PDGFRA: variants seen among roughly 807,000 people sequenced by gnomAD.
PDGFRA encodes the protein platelet derived growth factor receptor alpha, also known as platelet-derived growth factor receptor alpha.
Under a neutral mutation model 121.5 loss-of-function variants are expected in PDGFRA, and 25 were observed. The ratio of observed to expected loss-of-function variants is 0.21; its 90% CI spans 0.15 to 0.29. The LOEUF (loss-of-function observed/expected upper bound fraction) is 0.29, where lower values mean the gene tolerates loss of function less well. Ranked by LOEUF, PDGFRA falls within the 10% of genes least tolerant of loss-of-function variation. The pLI, the probability that PDGFRA is intolerant of heterozygous loss-of-function variation, is 1.00. For synonymous variants in PDGFRA, 463 were observed against 494.8 expected, an observed-to-expected ratio of 0.94 and a Z score of 0.85; for missense variants, 1,008 against 1,345.1, an observed-to-expected ratio of 0.75 and a Z score of 3.92.
At chr4:54,265,428 G>A (rs1044401927) in intron 5 of PDGFRA, 4 of 308,648 alleles carry the variant, frequency 1.3e-5, no homozygotes, top group African/African-American at 8.6e-5. Flanking sequence ...TGGCTTCTGT[G>A]CCCTGAGGTT....
At position 54,277,911 on chromosome 4, in the gene PDGFRA, G is replaced by T; in HGVS notation, c.1907G>T (p.Ser636Ile). Reference sequence around the variant, plus strand: ...CTTTCAACAGCCACGGCCAGATCCAGTGAAAAACAAGCTCTCATGTCTGAA... The same window carrying T: ...CTTTCAACAGCCACGGCCAGATCCATTGAAAAACAAGCTCTCATGTCTGAA... ...VKMLKPTARSSEKQALMSELK... is the reference protein window; with the variant it reads ...VKMLKPTARSIEKQALMSELK... Residue 636 changes from serine to isoleucine, a missense_variant, in exon 14 of 23, where the codon AGT becomes ATT. Ser to Ile is a moderately radical substitution (Grantham distance 142, BLOSUM62 -2). Coordinates refer to ENST00000257290, the MANE Select transcript of PDGFRA (RefSeq NM_006206.6). The T allele has an allele frequency of 6.2e-7, 1 of 1,612,234 alleles. No homozygotes were observed. The highest frequency in any genetic ancestry group is 2.2e-5 in the East Asian group (1 of 44,874).
intron 1 of PDGFRA, among the ~76,000 whole-genome samples, chr4:54,250,564 C>T (rs1221266699): frequency 6.6e-6 from 1 of 152,166 alleles, no homozygotes; most frequent in East Asian, 1.9e-4. Flanking sequence ...TGTACATTAT[C>T]AGTCATAATT....
intron 1 of PDGFRA, among the ~76,000 whole-genome samples, chr4:54,249,161 G>A (rs1268959744): frequency 6.6e-6 from 1 of 152,126 alleles, no homozygotes; most frequent in Non-Finnish European, 1.5e-5. Context: ...CAACCCTTGT[G>A]GGACTGTAAA....
chr4:54,264,861 T>G (rs988819233), intron 4 of PDGFRA, 58 bp from the exon 5 acceptor site: 26 of 1,517,960 alleles, frequency 1.7e-5, no homozygotes, highest in African/African-American at 1.5e-4. Context: ...ACCCAAACTT[T>G]ATAAGATCCT....
At chr4:54,259,604 C>A (rs905494492) in intron 2 of PDGFRA, among the ~76,000 whole-genome samples, 1 of 152,176 alleles carries the variant, frequency 6.6e-6, no homozygotes, top group African/African-American at 2.4e-5. Flanking sequence ...AACCAGTGCT[C>A]TTCTATTCTG....
chr4:54,296,368 T>TG lies in PDGFRA; in HGVS notation c.*1096_*1097insG. The stretch of plus-strand genomic sequence containing the variant: ...AGCAAAAAGACTGGATTTGCAGAAG[T>TG]TTTTTTTTTTTTTTTCTTCATGCCT... On this transcript the variant is annotated 3_prime_UTR_variant, in exon 23 of 23. Coordinates refer to ENST00000257290, the MANE Select transcript of PDGFRA (RefSeq NM_006206.6). 1 of 410 alleles carries TG rather than the reference T, an allele frequency of 2.4e-3. No individual in the cohort carries two copies. Among genetic ancestry groups the TG allele is most frequent in the Non-Finnish European group, 7.9e-3 (1 of 126 alleles). 0.0% of individuals were successfully genotyped at this position (410 alleles called of 1,614,324 possible).
At position 54,273,583 on chromosome 4, in the gene PDGFRA, A is replaced by T; in HGVS notation, c.1411A>T (p.Asn471Tyr). 2 of 1,614,190 alleles carry T rather than the reference A, an allele frequency of 1.2e-6. No homozygotes were observed. Among genetic ancestry groups the T allele is most frequent in the South Asian group, 2.2e-5 (2 of 91,078 alleles). The stretch of plus-strand genomic sequence containing the variant: ...GACTATTTTGGCCAACAATGTCTCA[A>T]ACATCATCACGGAGATCCACTCCCG... ...SWTILANNVS[N>Y]IITEIHSRDR... The change falls in exon 10 of 23, where the codon AAC (asparagine) becomes TAC (tyrosine). Residue 471 changes from asparagine (N) to tyrosine (Y), a missense_variant. Around this residue, in one of 5 missense-constraint regions of PDGFRA, gnomAD observed 575 missense variants for 701.8 expected, o/e 0.82. Coordinates refer to ENST00000257290, the MANE Select transcript of PDGFRA (RefSeq NM_006206.6).
At chr4:54,270,592 C>T (rs1481283058) in intron 7 of PDGFRA, 41 bp from the exon 8 acceptor site, 4 of 1,029,300 alleles carry the variant, frequency 3.9e-6, no homozygotes, top group Non-Finnish European at 6.2e-6. Flanking sequence ...TTGGAACTTA[C>T]TTAGCTACTG....
intron 22 of PDGFRA, among the ~76,000 whole-genome samples, chr4:54,293,804 G>A (rs1333674443): frequency 6.6e-6 from 1 of 152,098 alleles, no homozygotes; most frequent in Non-Finnish European, 1.5e-5. Context: ...GACGTGGTCA[G>A]ATGGAGGAGA....
intron 1 of PDGFRA, among the ~76,000 whole-genome samples, chr4:54,256,802 T>C (rs1722400403): frequency 1.3e-5 from 2 of 151,888 alleles, no homozygotes; most frequent in Non-Finnish European, 2.9e-5. Flanking sequence ...TGCTTAAGCC[T>C]AGGAGTTCAA....
At chr4:54,233,524 C>A (rs904057156) in intron 1 of PDGFRA, among the ~76,000 whole-genome samples, 2 of 152,242 alleles carry the variant, frequency 1.3e-5, no homozygotes, top group African/African-American at 4.8e-5. Context: ...CGGTCGGCGC[C>A]GCTATCTCAG....
intron 3 of PDGFRA, among the ~76,000 whole-genome samples, chr4:54,262,987 G>A (rs1261917776): frequency 1.3e-5 from 2 of 152,188 alleles, no homozygotes; most frequent in Non-Finnish European, 2.9e-5. Flanking sequence ...TGCAGCTGAT[G>A]TTTGAGACTG....
At chr4:54,267,155 C>T in intron 5 of PDGFRA, 134 bp from the exon 6 acceptor site, 1 of 860,568 alleles carries the variant, frequency 1.2e-6, no homozygotes. Context: ...TTGTCAACAT[C>T]CCTACCATCC....
rs114624037 is a variant in PDGFRA, at chr4:54,255,964, T to G, written c.-12-2793T>G. On this transcript the variant is annotated intron_variant, in intron 1 of 22. Coordinates refer to ENST00000257290, the MANE Select transcript of PDGFRA (RefSeq NM_006206.6). Reference sequence around the variant, plus strand: ...AGCATCAGAGGAGGTCAAACTAGAGTGACTTCATCTTGAATATGGGCTAGG... The same window carrying G: ...AGCATCAGAGGAGGTCAAACTAGAGGGACTTCATCTTGAATATGGGCTAGG... Among the ~76,000 whole-genome samples, 1,060 of 152,092 alleles carry G rather than the reference T, an allele frequency of 7.0e-3. 9 individuals carry two copies. Among genetic ancestry groups the G allele is most frequent in the African/African-American group, 0.024 (999 of 41,478 alleles).
At chr4:54,240,058 G>A in intron 1 of PDGFRA, 1 of 422,778 alleles carries the variant, frequency 2.4e-6, no homozygotes, top group Admixed American at 2.5e-5. Flanking sequence ...TTGCCATGCT[G>A]CCTAGACTGG....
intron 16 of PDGFRA, 90 bp downstream of exon 16, chr4:54,280,572 G>A (rs933533265): frequency 1.5e-5 from 17 of 1,097,920 alleles, no homozygotes; most frequent in Non-Finnish European, 2.2e-5. Flanking sequence ...GTATAGGGAT[G>A]GTAAGTGAAC....
intron 11 of PDGFRA, 45 bp from the exon 12 acceptor site, chr4:54,274,796 T>C: frequency 1.9e-6 from 3 of 1,611,472 alleles, no homozygotes; most frequent in South Asian, 1.1e-5. Flanking sequence ...TCTGGTGCAC[T>C]GGGACTTTGG....
At chr4:54,265,655 G>C (rs938702910) in intron 5 of PDGFRA, among the ~76,000 whole-genome samples, 1 of 152,208 alleles carries the variant, frequency 6.6e-6, no homozygotes, top group Non-Finnish European at 1.5e-5. Flanking sequence ...GCAGGAAGAA[G>C]GGAGGAGGGG....
intron 1 of PDGFRA, among the ~76,000 whole-genome samples, chr4:54,231,429 T>G (rs1202078573): frequency 2.6e-5 from 4 of 152,190 alleles, no homozygotes; most frequent in African/African-American, 4.8e-5. Context: ...TCCTCCGCAG[T>G]GCATCTCACC....
Sources: allele counts gnomAD v4.1 joint callset (sites outside exome capture counted in the v4.1 genomes callset), GRCh38; gene constraint gnomAD v4.1.1; regional missense constraint gnomAD v4.1.1; transcripts MANE v1.5; gene names NCBI Gene and HGNC (gene_info 2026-07-23, HGNC 2026-07-21).